Variants in ZBED1 observed in about 807,000 individuals in gnomAD.
ZBED1 encodes the protein E3 SUMO-protein ligase ZBED1.
A neutral mutation model predicts 49.7 loss-of-function variants in ZBED1; 19 were observed. That is an observed-to-expected ratio of 0.38 (90% CI 0.27 to 0.56). ZBED1 has a LOEUF of 0.56. Ranked by LOEUF, ZBED1 falls within the 20% of genes least tolerant of loss-of-function variation. The probability of loss-of-function intolerance (pLI) is 0.70; values close to 1 mark genes in which losing one functional copy is unlikely to be tolerated. For missense variants in ZBED1, 806 were observed against 972.6 expected (o/e 0.83, Z 2.28); for synonymous variants, 439 against 440.3 (o/e 1.00, Z 0.04).
At chrX:2,495,240 T>A (rs1039721135) in intron 1 of ZBED1, among the ~76,000 whole-genome samples, 28 of 151,492 alleles carry the variant, frequency 1.8e-4, no homozygotes, top group African/African-American at 6.8e-4. Flanking sequence ...CTGAAAGACG[T>A]TCCAGGACGT....
chrX:2,495,900 C>T (rs190787500), intron 1 of ZBED1, among the ~76,000 whole-genome samples: 236 of 152,208 alleles, frequency 1.6e-3, no homozygotes, highest in Non-Finnish European at 2.6e-3. Flanking sequence ...AACGACACGT[C>T]GCAAGAGACC....
Position 2,489,366 on chromosome X carries a change from C to T in ZBED1, c.1354G>A (p.Ala452Thr), listed in dbSNP as rs200255185. The T allele has an allele frequency of 3.7e-4, 593 of 1,613,912 alleles. 5 individuals are homozygous for T. Among genetic ancestry groups the T allele is most frequent in the South Asian group, 3.4e-3 (307 of 91,070 alleles). ...KELSMAKEVI[A>T]KELSKTYQET... The stretch of plus-strand genomic sequence containing the variant: ...TGGTAGGTCTTGGAAAGCTCCTTGG[C>T]GATGACCTCCTTGGCCATGCTGAGC... Residue 452 changes from alanine to threonine, a missense_variant, in exon 2 of 2, where the codon GCC (alanine) becomes ACC (threonine). By Grantham distance (58) the Ala-to-Thr change is moderately conservative (BLOSUM62 0). Coordinates refer to ENST00000652001, the MANE Select transcript of ZBED1 (RefSeq NM_001171136.2).
chrX:2,488,801 T>C lies in ZBED1; in HGVS notation c.1919A>G (p.His640Arg). The C allele has an allele frequency of 2.5e-6, 4 of 1,613,862 alleles. No individual in the cohort carries two copies. The highest frequency in any genetic ancestry group is 3.4e-6 in the Non-Finnish European group (4 of 1,179,866). Reference sequence around the variant, plus strand: ...ATACAGAAACACCTGCTCGTCCACGTGCGCGGGAGCCAGCCGGTTCCTCTT... The same window carrying C: ...ATACAGAAACACCTGCTCGTCCACGCGCGCGGGAGCCAGCCGGTTCCTCTT... The part of the protein sequence containing the change: ...SAKRNRLAPA[H>R]VDEQVFLYEN... Residue 640 changes from histidine (H) to arginine (R), a missense_variant, in exon 2 of 2, where the codon CAC (histidine) becomes CGC (arginine). By Grantham distance (29) the His-to-Arg change is conservative. Around this residue, in one of 2 missense-constraint regions of ZBED1, gnomAD observed 749 missense variants for 861.3 expected, o/e 0.87. Transcript: ENST00000652001.
chrX:2,494,020 T>C (rs2045224122), intron 1 of ZBED1, among the ~76,000 whole-genome samples: 1 of 152,058 alleles, frequency 6.6e-6, no homozygotes, highest in South Asian at 2.1e-4. Flanking sequence ...ATTATTACTA[T>C]TGTTTTTAGG....
In ZBED1 at chrX:2,490,071, A is replaced by G; in HGVS notation, c.649T>C (p.Phe217Leu). 4.3e-6 allele frequency: 7 copies of G among 1,613,708 alleles called. No homozygotes were observed. Among genetic ancestry groups the G allele is most frequent in the Non-Finnish European group, 5.9e-6 (7 of 1,179,838 alleles). Residue 217 changes from phenylalanine to leucine, a missense_variant, in exon 2 of 2, where the codon TTC becomes CTC. Physicochemically the swap from Phe to Leu is conservative, Grantham distance 22. Around this residue, in one of 2 missense-constraint regions of ZBED1, gnomAD observed 749 missense variants for 861.3 expected, o/e 0.87. Transcript: ENST00000652001. The part of the protein sequence containing the change: ...NRAYVTLAAH[F>L]LGLGAPNCLS... ...CAGTTGGGGGCGCCCAGGCCCAGGA[A>G]GTGGGCGGCCAGCGTGACGTAGGCG...
chrX:2,489,312 T>C lies in ZBED1; in HGVS notation c.1408A>G (p.Asn470Asp), dbSNP rs769283398. The change falls in exon 2 of 2, where the codon AAC becomes GAC. Residue 470 changes from asparagine to aspartate, a missense_variant. Asn to Asp is a conservative substitution (Grantham distance 23). Coordinates refer to ENST00000652001, the MANE Select transcript of ZBED1 (RefSeq NM_001171136.2). ...QETPEIDMFL[N>D]VATFLDPRYK... ...CGGGGGTCCAGGAAGGTGGCCACGT[T>C]GAGAAACATGTCGATCTCGGGCGTC... is the stretch of plus-strand genomic sequence containing the variant. 5 of 1,613,722 alleles carry C rather than the reference T, an allele frequency of 3.1e-6. No individual in the cohort carries two copies. The highest frequency in any genetic ancestry group is 4.2e-6 in the Non-Finnish European group (5 of 1,179,836).
Position 2,488,578 on chromosome X carries a change from A to G in ZBED1, c.*57T>C, listed in dbSNP as rs1464745293. On this transcript the variant is annotated 3_prime_UTR_variant, in exon 2 of 2. Coordinates refer to ENST00000652001, the MANE Select transcript of ZBED1 (RefSeq NM_001171136.2). ...CCAAGCTGACCGGGTAAGTATTTAC[A>G]GCAAAGCATCCAATGGGCTGCTGCG... 6.5e-7 allele frequency: 1 copy of G among 1,527,126 alleles called. No individual in the cohort carries two copies. The highest frequency in any genetic ancestry group is 1.4e-5 in the African/African-American group (1 of 72,036). 94.6% of individuals were successfully genotyped at this position (1,527,126 alleles called of 1,614,324 possible). A position where few individuals can be genotyped will look rare whatever the true frequency, so the allele number is the denominator to read the frequency against.
At chrX:2,495,648 C>CCCTCCTTCCTCCTT (rs764923016) in intron 1 of ZBED1, among the ~76,000 whole-genome samples, 9 of 152,094 alleles carry the variant, frequency 5.9e-5, no homozygotes, top group East Asian at 5.8e-4. Flanking sequence ...GCAGTGAGTA[C>CCCTCCTTCCTCCTT]CCTCCTTCCT....
In ZBED1 at chrX:2,500,811, G is replaced by A. The variant is rs1184743346; in HGVS notation, c.-54+6C>T. On this transcript the variant is annotated splice_donor_region_variant and intron_variant, in intron 1 of 1. Coordinates refer to ENST00000652001, the MANE Select transcript of ZBED1 (RefSeq NM_001171136.2). Reference sequence around the variant, plus strand: ...GGAGCCCTGACCCCTGCCCCGCCCCGCTGACCTGGCTCCAGGAAGCCCCCG... The same window carrying A: ...GGAGCCCTGACCCCTGCCCCGCCCCACTGACCTGGCTCCAGGAAGCCCCCG... 4 of 1,001,714 alleles carry A rather than the reference G, an allele frequency of 4.0e-6. No homozygotes were observed. Among genetic ancestry groups the A allele is most frequent in the South Asian group, 4.4e-5 (1 of 22,836 alleles). The allele number at this position is 1,001,714 out of a possible 1,614,324, so 62.1% of individuals were successfully genotyped here.
chrX:2,488,767 G>C lies in ZBED1; in HGVS notation c.1953C>G (p.Ala651=), dbSNP rs1377042363. 1 of 1,613,880 alleles carries C rather than the reference G, an allele frequency of 6.2e-7. No individual in the cohort carries two copies. The change falls in exon 2 of 2, where the codon GCC becomes GCG. Residue 651 remains alanine (A), a synonymous_variant. Transcript: ENST00000652001. ...VDEQVFLYEN[A]RSGAEAEPED... is the part of the protein sequence containing the mutation. ...CGGGTTCCGCCTCTGCCCCACTCCGGGCGTTCTCATACAGAAACACCTGCT... is the reference window on the plus strand; with the variant it reads ...CGGGTTCCGCCTCTGCCCCACTCCGCGCGTTCTCATACAGAAACACCTGCT...
rs1237581234 is a variant in ZBED1 at position 2,487,962 on chromosome X, G to A, written c.*673C>T. On this transcript the variant is annotated 3_prime_UTR_variant, in exon 2 of 2. Coordinates refer to ENST00000652001, the MANE Select transcript of ZBED1 (RefSeq NM_001171136.2). ...CATGATGATCGGGAAAGGCTCCTTCGACGCCACCCAGAATGTTCCTGCGTT... is the reference window on the plus strand; with the variant it reads ...CATGATGATCGGGAAAGGCTCCTTCAACGCCACCCAGAATGTTCCTGCGTT... 6.6e-6 allele frequency: 1 copy of A among 151,732 alleles called. No homozygotes were observed. The highest frequency in any genetic ancestry group is 2.4e-5 in the African/African-American group (1 of 41,300). The allele number at this position is 151,732 out of a possible 1,614,324, so 9.4% of individuals were successfully genotyped here. A position where few individuals can be genotyped will look rare whatever the true frequency, so the allele number is the denominator to read the frequency against.
At chrX:2,491,478 A>G (rs2045144095) in intron 1 of ZBED1, among the ~76,000 whole-genome samples, 2 of 152,194 alleles carry the variant, frequency 1.3e-5, no homozygotes, top group Non-Finnish European at 2.9e-5. Flanking sequence ...TGAAGCCTAC[A>G]TAGAAGAATC....
chrX:2,489,249 G>C lies in ZBED1; in HGVS notation c.1471C>G (p.Gln491Glu). 6.2e-7 allele frequency: 1 copy of C among 1,613,946 alleles called. No individual in the cohort carries two copies. Among genetic ancestry groups the C allele is most frequent in the Non-Finnish European group, 8.5e-7 (1 of 1,179,858 alleles). ...TCCACCACGCGATTCTCCACCTGCT[G>C]CCGCTCGAAGGCGGAGAGGAAGGGC... ...RLPFLSAFER[Q>E]QVENRVVEEA... Residue 491 changes from glutamine (Q) to glutamate (E), a missense_variant, in exon 2 of 2, where the codon CAG becomes GAG. Transcript: ENST00000652001.
intron 1 of ZBED1, 58 bp downstream of exon 1, chrX:2,500,753 CCCCCGA>C (rs2045407219): frequency 1.2e-6 from 1 of 832,228 alleles, no homozygotes; most frequent in Admixed American, 5.7e-5. Flanking sequence ...CGCGCCCCCG[CCCCCGA>C]GCCAGCCCGC....
chrX:2,491,631 T>A (rs1419209734), intron 1 of ZBED1, among the ~76,000 whole-genome samples: 1 of 152,146 alleles, frequency 6.6e-6, no homozygotes, highest in Non-Finnish European at 1.5e-5. Flanking sequence ...TAAGAGGCAC[T>A]GCACACTCTT....
rs373868711 is a variant in ZBED1, at chrX:2,488,968, G to A, written c.1752C>T (p.Asn584=). Residue 584 remains asparagine, a synonymous_variant, in exon 2 of 2, where the codon AAC becomes AAT. Coordinates refer to ENST00000652001, the MANE Select transcript of ZBED1 (RefSeq NM_001171136.2). The part of the protein sequence containing the change: ...NFKSQKVLGL[N]EDPLKWWSDR... ...CTGACCACCACTTGAGGGGGTCTTC[G>A]TTGAGGCCAAGCACCTTCTGGGACT... 1.2e-4 allele frequency: 191 copies of A among 1,597,602 alleles called. No homozygotes were observed. In the South Asian group the frequency reaches 2.0e-3, roughly 17 times the overall value.
rs145834233 is a variant in ZBED1 at position 2,490,324 on chromosome X, G to A, written c.396C>T (p.Gly132=). ...KQQELTAAVL[G]LICEGLYPAS... Reference sequence around the variant, plus strand: ...CTGGGTACAGCCCCTCGCAGATGAGGCCCAGCACGGCGGCCGTCAGCTCCT... The same window carrying A: ...CTGGGTACAGCCCCTCGCAGATGAGACCCAGCACGGCGGCCGTCAGCTCCT... The change falls in exon 2 of 2, where the codon GGC becomes GGT. Residue 132 remains glycine (G), a synonymous_variant. Coordinates refer to ENST00000652001, the MANE Select transcript of ZBED1 (RefSeq NM_001171136.2). 57 of 1,613,256 alleles carry A rather than the reference G, an allele frequency of 3.5e-5. No homozygotes were observed. In the African/African-American group the frequency reaches 5.1e-4, roughly 14 times the overall value.
In ZBED1 at chrX:2,488,411, C is replaced by T. The variant is rs4892931; in HGVS notation, c.*224G>A. On this transcript the variant is annotated 3_prime_UTR_variant, in exon 2 of 2. Coordinates refer to ENST00000652001, the MANE Select transcript of ZBED1 (RefSeq NM_001171136.2). The stretch of plus-strand genomic sequence containing the variant: ...GCTGGTCTCGATCTCCTGACCTCAG[C>T]TGATCTGCCCACCTCGGCCTCCCAA... The T allele has an allele frequency of 0.22, 118,353 of 541,052 alleles. 16,962 individuals are homozygous for T. The highest frequency in any genetic ancestry group is 0.65 in the East Asian group (19,844 of 30,534). The allele number at this position is 541,052 out of a possible 1,614,324, so 33.5% of individuals were successfully genotyped here. A position where few individuals can be genotyped will look rare whatever the true frequency, so the allele number is the denominator to read the frequency against.
intron 1 of ZBED1, among the ~76,000 whole-genome samples, chrX:2,495,789 G>A (rs1013024917): frequency 6.6e-6 from 1 of 152,012 alleles, no homozygotes; most frequent in African/African-American, 2.4e-5. Flanking sequence ...GGGGTTTGGG[G>A]GGGACACTCC....
Sources: gnomAD v4.1 joint callset for allele counts (sites outside exome capture counted in the v4.1 genomes callset) on GRCh38, gnomAD v4.1.1 for gene constraint, gnomAD v4.1.1 regional missense constraint, MANE v1.5 for transcripts, NCBI Gene and HGNC (gene_info 2026-07-23, HGNC 2026-07-21) for gene names.